The following RNASEH2B variants were observed in gnomAD, a reference collection of about 807,000 sequenced individuals.
RNASEH2B encodes Aicardi-Goutieres syndrome 2 protein.
In RNASEH2B, 36 loss-of-function variants were observed where a neutral mutation model predicts 45.0. That is an observed-to-expected ratio of 0.80 (90% CI 0.61 to 1.06). The LOEUF is 1.06. RNASEH2B is among the 50% of genes least tolerant of loss of function. RNASEH2B has a pLI of 0.00. For synonymous variants in RNASEH2B, 119 were observed against 125.7 expected (o/e 0.95, Z 0.35); for missense variants, 361 against 360.3 (o/e 1.00, Z -0.02).
At position 50,909,978 on chromosome 13, in the gene RNASEH2B, C is replaced by G. The variant is rs1879241831; in HGVS notation, c.-99C>G. ...GCGCTGCCGGTCCCTCAGCGCGCCG[C>G]GCCACCCGGAACAGACCCTTCTCCC... On this transcript the variant is annotated 5_prime_UTR_variant, in exon 1 of 11. Coordinates refer to ENST00000336617, the MANE Select transcript of RNASEH2B (RefSeq NM_024570.4). 1.8e-6 allele frequency: 2 copies of G among 1,089,146 alleles called. No individual in the cohort carries two copies. The highest frequency in any genetic ancestry group is 3.3e-5 in the African/African-American group (2 of 60,086). 67.5% of individuals were successfully genotyped at this position (1,089,146 alleles called of 1,614,324 possible).
intron 2 of RNASEH2B, among the ~76,000 whole-genome samples, chr13:50,929,259 G>C (rs1743473442): frequency 6.6e-6 from 1 of 152,076 alleles, no homozygotes; most frequent in Non-Finnish European, 1.5e-5. Flanking sequence ...CTAATTTTTT[G>C]GTTTAAGTCC....
chr13:50,959,752 C>G (rs1952092173), downstream of RNASEH2B: 1 of 152,646 alleles, frequency 6.6e-6, no homozygotes, highest in Non-Finnish European at 1.5e-5. Flanking sequence ...CACGCCTGGC[C>G]TATTTTTGTT....
chr13:50,952,015 A>T (rs1313318659), intron 9 of RNASEH2B: 1 of 152,144 alleles, frequency 6.6e-6, no homozygotes, highest in Non-Finnish European at 1.5e-5. Flanking sequence ...AGTGAACCTC[A>T]TCAGTTCAGT....
At chr13:50,946,072 A>T (rs1411104205) in intron 7 of RNASEH2B, among the ~76,000 whole-genome samples, 1 of 152,208 alleles carries the variant, frequency 6.6e-6, no homozygotes, top group Non-Finnish European at 1.5e-5. Flanking sequence ...GTTTCCTGAT[A>T]CAGGGATCAA....
At chr13:50,914,354 G>A (rs1226672935) in intron 1 of RNASEH2B, among the ~76,000 whole-genome samples, 2 of 152,220 alleles carry the variant, frequency 1.3e-5, no homozygotes, top group African/African-American at 4.8e-5. Flanking sequence ...CTTATTTTCA[G>A]AAGAGATGAA....
intron 9 of RNASEH2B, among the ~76,000 whole-genome samples, chr13:50,963,778 C>T (rs1952137110): frequency 6.6e-6 from 1 of 152,200 alleles, no homozygotes; most frequent in Admixed American, 6.5e-5. Flanking sequence ...CTACAAAGAT[C>T]AAAACCAGAA....
At chr13:50,914,043 A>AT (rs10596567) in intron 1 of RNASEH2B, among the ~76,000 whole-genome samples, 7 of 138,792 alleles carry the variant, frequency 5.0e-5, no homozygotes, top group African/African-American at 1.6e-4. Flanking sequence ...AGTCTTGAAG[A>AT]TTTTTTTTTT....
intron 1 of RNASEH2B, among the ~76,000 whole-genome samples, chr13:50,913,570 C>T (rs142206422): frequency 2.0e-3 from 304 of 152,178 alleles, no homozygotes; most frequent in African/African-American, 6.3e-3. Flanking sequence ...TTAAAATATT[C>T]CTTAATCAGC....
chr13:50,958,730 G>C (rs1174500406), downstream of RNASEH2B, among the ~76,000 whole-genome samples: 3 of 151,944 alleles, frequency 2.0e-5, no homozygotes, highest in Non-Finnish European at 4.4e-5. Flanking sequence ...TATAATTTTT[G>C]ATTATTTGGA....
chr13:50,945,470 T>C lies in RNASEH2B; in HGVS notation c.554T>C (p.Val185Ala). The change falls in exon 7 of 11, where the codon GTC (valine) becomes GCC (alanine). Residue 185 changes from valine to alanine, a missense_variant. Transcript: ENST00000336617. ...GCATTAAAAACCAATAATGTGAATG[T>C]CAGTTCCCGGGTACAGTCAACTGCA... The part of the protein sequence containing the change: ...VAALKTNNVN[V>A]SSRVQSTAFF... The C allele has an allele frequency of 6.2e-7, 1 of 1,613,822 alleles. No individual in the cohort carries two copies. Among genetic ancestry groups the C allele is most frequent in the Non-Finnish European group, 8.5e-7 (1 of 1,179,724 alleles).
intron 8 of RNASEH2B, 87 bp from the exon 9 acceptor site, chr13:50,949,376 A>T: frequency 8.7e-7 from 1 of 1,147,114 alleles, no homozygotes; most frequent in East Asian, 2.4e-5. Context: ...GAAAAGTAGG[A>T]CTTACTAAGT....
chr13:50,932,206 GT>G (rs1306680576), intron 4 of RNASEH2B, among the ~76,000 whole-genome samples: 1 of 152,086 alleles, frequency 6.6e-6, no homozygotes, highest in African/African-American at 2.4e-5. Flanking sequence ...TTCATAGTGG[GT>G]TTTTCAAATA....
At chr13:50,913,269 CTT>C (rs922983228) in intron 1 of RNASEH2B, 2 of 152,186 alleles carry the variant, frequency 1.3e-5, no homozygotes, top group African/African-American at 4.8e-5. Flanking sequence ...TTCCATCCCT[CTT>C]TTTCTGCCCT....
chr13:50,954,178 TA>T (rs1336210656), intron 10 of RNASEH2B, 193 bp downstream of exon 10: 2 of 637,972 alleles, frequency 3.1e-6, no homozygotes, highest in Non-Finnish European at 5.6e-6. Context: ...GACTTATTAT[TA>T]GTCAGAGAAA....
intron 5 of RNASEH2B, among the ~76,000 whole-genome samples, chr13:50,940,624 A>G (rs1381953431): frequency 2.0e-5 from 3 of 152,126 alleles, no homozygotes; most frequent in Admixed American, 2.0e-4. Context: ...TATTCAGGAG[A>G]GTGGTGTAGG....
rs760216248 is a variant in RNASEH2B at position 50,943,408 on chromosome 13, CTA to C, written c.510+15_510+16del. On this transcript the variant is annotated intron_variant, in intron 6 of 10. Coordinates refer to ENST00000336617, the MANE Select transcript of RNASEH2B (RefSeq NM_024570.4). ...CTGGAAAAAAAGGTATAGTTCCTCT[CTA>C]GTGCCTTGTGGTAAAAGTAAAAATT... is the stretch of plus-strand genomic sequence containing the variant. 1.3e-6 allele frequency: 2 copies of C among 1,559,190 alleles called. No homozygotes were observed. Among genetic ancestry groups the C allele is most frequent in the African/African-American group, 2.7e-5 (2 of 73,780 alleles).
intron 9 of RNASEH2B, among the ~76,000 whole-genome samples, chr13:50,965,664 A>G (rs1952157882): frequency 6.6e-6 from 1 of 152,222 alleles, no homozygotes; most frequent in African/African-American, 2.4e-5. Context: ...AAGTCCAAGG[A>G]CTTATTCATA....
At chr13:50,950,493 A>C (rs1951962973) in intron 9 of RNASEH2B, 1 of 152,320 alleles carries the variant, frequency 6.6e-6, no homozygotes, top group African/African-American at 2.4e-5. Flanking sequence ...GGAGAATAGC[A>C]CTGGGCAGAA....
intron 7 of RNASEH2B, 50 bp from the exon 8 acceptor site, chr13:50,947,937 T>A: frequency 6.2e-7 from 1 of 1,601,350 alleles, no homozygotes. Flanking sequence ...AAAACCACCA[T>A]AATTACTATT....
Sources: allele counts gnomAD v4.1 joint callset (sites outside exome capture counted in the v4.1 genomes callset), GRCh38; gene constraint gnomAD v4.1.1; transcripts MANE v1.5; gene names NCBI Gene and HGNC (gene_info 2026-07-23, HGNC 2026-07-21).